Variants in GLDC observed in about 807,000 individuals in gnomAD.
GLDC encodes glycine decarboxylase, also known as glycine dehydrogenase (decarboxylating), mitochondrial.
A neutral mutation model predicts 121.3 loss-of-function variants in GLDC; 104 were observed. The observed-to-expected ratio is 0.86, with a 90% CI of 0.73 to 1.01. The LOEUF (loss-of-function observed/expected upper bound fraction) is 1.01, where lower values mean the gene tolerates loss of function less well. Ranked by LOEUF, GLDC falls within the 50% of genes least tolerant of loss-of-function variation. The pLI, the probability that GLDC is intolerant of heterozygous loss-of-function variation, is 0.00. For missense variants in GLDC, 1,429 were observed against 1,306.6 expected, an observed-to-expected ratio of 1.09 and a Z score of -1.44; for synonymous variants, 546 against 480.6, an observed-to-expected ratio of 1.14 and a Z score of -1.78.
intron 15 of GLDC, among the ~76,000 whole-genome samples, chr9:6,584,477 G>C (rs1302888893): frequency 6.6e-6 from 1 of 152,134 alleles, no homozygotes; most frequent in Non-Finnish European, 1.5e-5. Flanking sequence ...ATAATTATAA[G>C]ACAAGAAATG....
intron 3 of GLDC, among the ~76,000 whole-genome samples, chr9:6,611,459 G>C (rs554545973): frequency 1.3e-5 from 2 of 152,122 alleles, no homozygotes; most frequent in African/African-American, 4.8e-5. Context: ...AGGAGGCTGA[G>C]GCAGGAGAAT....
chr9:6,566,771 C>A (rs1404215274), intron 15 of GLDC, among the ~76,000 whole-genome samples: 2 of 152,098 alleles, frequency 1.3e-5, no homozygotes, highest in Non-Finnish European at 2.9e-5. Flanking sequence ...AAAAAAGATA[C>A]AAAAATTTAA....
At chr9:6,599,519 G>A (rs983874004) in intron 8 of GLDC, among the ~76,000 whole-genome samples, 15 of 151,882 alleles carry the variant, frequency 9.9e-5, no homozygotes, top group East Asian at 1.9e-4. Flanking sequence ...TCAGGAGTTC[G>A]AGACCAGCCT....
chr9:6,547,900 TG>T (rs1369969601), intron 21 of GLDC, among the ~76,000 whole-genome samples: 3 of 152,002 alleles, frequency 2.0e-5, no homozygotes, highest in Non-Finnish European at 4.4e-5. Flanking sequence ...GAGGCCGAGG[TG>T]GGAGGATCAC....
intron 20 of GLDC, among the ~76,000 whole-genome samples, chr9:6,552,320 G>C (rs1447370553): frequency 6.6e-6 from 1 of 152,188 alleles, no homozygotes. Context: ...CTATATGTGG[G>C]AAGTCATCTC....
chr9:6,538,374 A>G (rs549048151), intron 22 of GLDC, among the ~76,000 whole-genome samples: 1 of 152,232 alleles, frequency 6.6e-6, no homozygotes, highest in Non-Finnish European at 1.5e-5. Context: ...TGGGTAAGGC[A>G]GTATGCCCCA....
rs141980284 is a variant in GLDC, at chr9:6,605,215, G to C, written c.777C>G (p.Val259=). 1.4e-5 allele frequency: 22 copies of C among 1,613,430 alleles called. No individual in the cohort carries two copies. Among genetic ancestry groups the C allele is most frequent in the Non-Finnish European group, 1.9e-5 (22 of 1,179,556 alleles). Residue 259 remains valine (V), a synonymous_variant, in exon 6 of 25, where the codon GTC becomes GTG. Transcript: ENST00000321612. ...CTGGGTACTGGAACAACACTCCACT[G>C]ACATCTTTTCCACTGAAGTCCATTT... ...PCEMDFSGKD[V]SGVLFQYPDT...
chr9:6,586,785 G>C (rs1171756507), intron 15 of GLDC, among the ~76,000 whole-genome samples: 1 of 152,196 alleles, frequency 6.6e-6, no homozygotes, highest in Non-Finnish European at 1.5e-5. Context: ...AACTTAGGAG[G>C]TTCGGCCATT....
intron 20 of GLDC, 58 bp downstream of exon 20, chr9:6,553,310 C>A: frequency 6.7e-7 from 1 of 1,488,004 alleles, no homozygotes; most frequent in Non-Finnish European, 9.4e-7. Context: ...TATCCGGTCC[C>A]CATGCATGCC....
chr9:6,584,159 G>C (rs955458350), intron 15 of GLDC, among the ~76,000 whole-genome samples: 1 of 152,202 alleles, frequency 6.6e-6, no homozygotes, highest in Admixed American at 6.5e-5. Context: ...GAAACATTCA[G>C]ATTCAAAACT....
rs60203144 is a variant in GLDC, at chr9:6,629,957, A to AT, written c.335-9639dup. ...TATATATATATATGTATATATATAT[A>AT]TTTTTTTTTTTTAAGAGAGACAAGG... On this transcript the variant is annotated intron_variant, in intron 2 of 24. Transcript: ENST00000321612. Among the ~76,000 whole-genome samples, 670 of 83,064 alleles carry AT rather than the reference A, an allele frequency of 8.1e-3. 36 individuals carry two copies. The highest frequency in any genetic ancestry group is 0.017 in the African/African-American group (245 of 14,608). The allele number at this position is 83,064 out of a possible 152,430, so 54.5% of individuals were successfully genotyped here. A position where few individuals can be genotyped will look rare whatever the true frequency, so the allele number is the denominator to read the frequency against.
chr9:6,539,934 G>A (rs1009894930), intron 22 of GLDC, 117 bp downstream of exon 22: 38 of 785,834 alleles, frequency 4.8e-5, no homozygotes, highest in Non-Finnish European at 8.5e-5. Flanking sequence ...CAAGAACCCT[G>A]AGCTCCCCAT....
chr9:6,603,472 A>G (rs1334155435), intron 7 of GLDC, among the ~76,000 whole-genome samples: 1 of 149,050 alleles, frequency 6.7e-6, no homozygotes, highest in Non-Finnish European at 1.5e-5. Context: ...TTAGTTGGAC[A>G]CAGTGGCCAC....
chr9:6,606,948 G>A (rs142517068), intron 4 of GLDC, among the ~76,000 whole-genome samples: 1 of 151,854 alleles, frequency 6.6e-6, no homozygotes, highest in Admixed American at 6.6e-5. Flanking sequence ...CTGTAATCCC[G>A]GCTACTTGGG....
At chr9:6,558,519 C>T (rs771909069) in intron 17 of GLDC, 40 bp downstream of exon 17, 3 of 1,611,622 alleles carry the variant, frequency 1.9e-6, no homozygotes, top group East Asian at 4.5e-5. Flanking sequence ...CAGCACTCCC[C>T]ATCCCGGCCT....
chr9:6,632,754 G>A (rs1448390955), intron 2 of GLDC, among the ~76,000 whole-genome samples: 1 of 152,176 alleles, frequency 6.6e-6, no homozygotes. Context: ...GGGTGGGGCT[G>A]CCCCACCTCT....
At chr9:6,567,622 T>C (rs1817878701) in intron 15 of GLDC, among the ~76,000 whole-genome samples, 1 of 152,226 alleles carries the variant, frequency 6.6e-6, no homozygotes, top group Non-Finnish European at 1.5e-5. Flanking sequence ...TCAACCTTGT[T>C]CACAATTGTA....
intron 11 of GLDC, among the ~76,000 whole-genome samples, chr9:6,590,898 T>C (rs1170166846): frequency 6.6e-6 from 1 of 152,186 alleles, no homozygotes; most frequent in African/African-American, 2.4e-5. Flanking sequence ...TGTTATCTGG[T>C]ATAACCCTTT....
At chr9:6,546,264 C>A (rs1419666926) in intron 21 of GLDC, among the ~76,000 whole-genome samples, 2 of 152,024 alleles carry the variant, frequency 1.3e-5, no homozygotes, top group East Asian at 3.9e-4. Context: ...ACCATTACAA[C>A]TCACTGCAGC....
Sources: gnomAD v4.1 joint callset for allele counts (sites outside exome capture counted in the v4.1 genomes callset) on GRCh38, gnomAD v4.1.1 for gene constraint, MANE v1.5 for transcripts, NCBI Gene and HGNC (gene_info 2026-07-23, HGNC 2026-07-21) for gene names.